The following FREM2 variants were observed in gnomAD, a reference collection of about 807,000 sequenced individuals.
The protein encoded by FREM2 is FRAS1 related extracellular matrix 2.
In FREM2, 119 loss-of-function variants were observed where a neutral mutation model predicts 219.9. That is an observed-to-expected ratio of 0.54 (90% CI 0.47 to 0.63). The LOEUF (loss-of-function observed/expected upper bound fraction) is 0.63. Ranked by LOEUF, FREM2 falls within the 30% of genes least tolerant of loss-of-function variation. The probability of loss-of-function intolerance (pLI) is 0.00; values close to 1 mark genes in which losing one functional copy is unlikely to be tolerated. For synonymous variants in FREM2, 1,562 were observed against 1,522.8 expected, an observed-to-expected ratio of 1.03 and a Z score of -0.60; for missense variants, 4,030 against 3,993.6, an observed-to-expected ratio of 1.01 and a Z score of -0.25.
chr13:38,687,534 G>A lies in FREM2; in HGVS notation c.190G>A (p.Ala64Thr), dbSNP rs139988077. 1.2e-6 allele frequency: 2 copies of A among 1,600,020 alleles called. No homozygotes were observed. Among genetic ancestry groups the A allele is most frequent in the African/African-American group, 1.3e-5 (1 of 74,854 alleles). ...GCTGTCCCCTGGTCTCGCGGGGGCT[G>A]CAGGGGTCCCTGCTGAGGAGGCCAT... is the stretch of plus-strand genomic sequence containing the variant. ...ALLSPGLAGAAGVPAEEAIVL... is the reference protein window; with the variant it reads ...ALLSPGLAGATGVPAEEAIVL... The change falls in exon 1 of 24, where the codon GCA becomes ACA. Residue 64 changes from alanine (A) to threonine (T), a missense_variant. By Grantham distance (58) the Ala-to-Thr change is moderately conservative. Coordinates refer to ENST00000280481, the MANE Select transcript of FREM2 (RefSeq NM_207361.6).
intron 3 of FREM2, among the ~76,000 whole-genome samples, chr13:38,765,957 A>C (rs1873418117): frequency 6.6e-6 from 1 of 152,202 alleles, no homozygotes; most frequent in Admixed American, 6.5e-5. Flanking sequence ...ACATGTGCAC[A>C]TCCTGTCTTA....
chr13:38,809,215 C>G (rs1184844678), intron 6 of FREM2, among the ~76,000 whole-genome samples: 1 of 150,056 alleles, frequency 6.7e-6, no homozygotes, highest in East Asian at 2.4e-4. Flanking sequence ...TTGAATTTTT[C>G]AGCTCCAAGA....
intron 12 of FREM2, among the ~76,000 whole-genome samples, chr13:38,856,536 A>G (rs1877566573): frequency 6.6e-6 from 1 of 152,174 alleles, no homozygotes; most frequent in South Asian, 2.1e-4. Context: ...CATGTCAGTC[A>G]GTAATGATTC....
chr13:38,787,034 T>A (rs1410961626), intron 6 of FREM2, among the ~76,000 whole-genome samples: 3 of 152,134 alleles, frequency 2.0e-5, no homozygotes, highest in Admixed American at 1.3e-4. Flanking sequence ...CATAGAACAT[T>A]TTACTATTGT....
At chr13:38,706,771 A>T (rs576674164) in intron 2 of FREM2, among the ~76,000 whole-genome samples, 2 of 152,322 alleles carry the variant, frequency 1.3e-5, no homozygotes, top group African/African-American at 4.8e-5. Context: ...TACAATCACA[A>T]ACTTCCTACC....
At chr13:38,750,332 T>G (rs1171450692) in intron 2 of FREM2, among the ~76,000 whole-genome samples, 1 of 152,128 alleles carries the variant, frequency 6.6e-6, no homozygotes, top group Non-Finnish European at 1.5e-5. Context: ...ATCCGATGGT[T>G]TTTAAAACGG....
chr13:38,783,371 T>C (rs904191864), intron 5 of FREM2, among the ~76,000 whole-genome samples, 176 bp downstream of exon 5: 2 of 152,088 alleles, frequency 1.3e-5, no homozygotes, highest in Non-Finnish European at 2.9e-5. Flanking sequence ...ACGAGTCCTC[T>C]TTCTGATTTC....
rs61978626 is a variant in FREM2, at chr13:38,861,446, G to A, written c.7535G>A (p.Arg2512His). 1.0e-3 allele frequency: 1,591 copies of A among 1,551,594 alleles called. 3 individuals are homozygous for A. Among genetic ancestry groups the A allele is most frequent in the Non-Finnish European group, 1.3e-3 (1,489 of 1,128,752 alleles). Residue 2512 changes from arginine to histidine, a missense_variant, in exon 15 of 24, where the codon CGT becomes CAT. This residue lies in a region of FREM2 where 928 missense variants were observed against 1,042.9 expected (regional missense o/e 0.89). Coordinates refer to ENST00000280481, the MANE Select transcript of FREM2 (RefSeq NM_207361.6). ...ISREEGLCQP[R>H]VPGVVGAEPF... ...TTTTTTCAAGGTCTTTGTCAGCCCC[G>A]TGTACCTGGGGTTGTTGGAGCAGAG...
At chr13:38,769,481 T>G in intron 3 of FREM2, 97 bp from the exon 4 acceptor site, 1 of 1,119,756 alleles carries the variant, frequency 8.9e-7, no homozygotes. Flanking sequence ...TCAACTTTGC[T>G]TTTCAGGATA....
chr13:38,784,481 A>C, intron 5 of FREM2, 76 bp from the exon 6 acceptor site: 1 of 1,532,258 alleles, frequency 6.5e-7, no homozygotes, highest in South Asian at 1.1e-5. Flanking sequence ...AATGCTGTGT[A>C]TGAAAATAAT....
chr13:38,822,123 G>T (rs1312441752), intron 6 of FREM2: 1 of 152,136 alleles, frequency 6.6e-6, no homozygotes, highest in Non-Finnish European at 1.5e-5. Flanking sequence ...AAATAAAACA[G>T]CTGATAGATC....
chr13:38,816,273 TAAC>T (rs1875759836), intron 6 of FREM2, among the ~76,000 whole-genome samples: 1 of 152,036 alleles, frequency 6.6e-6, no homozygotes, highest in African/African-American at 2.4e-5. Context: ...AACAATCACA[TAAC>T]AACAAAGAAA....
chr13:38,708,204 T>C lies in FREM2; in HGVS notation c.5263+10417T>C, dbSNP rs151333747. ...TTTTTATCTCTGATTTTCATTGATA[T>C]ACCCTCAGTGCCTGAGTACATATAG... is the stretch of plus-strand genomic sequence containing the variant. On this transcript the variant is annotated intron_variant, in intron 2 of 23. Coordinates refer to ENST00000280481, the MANE Select transcript of FREM2 (RefSeq NM_207361.6). Among the ~76,000 whole-genome samples, 1,106 of 152,364 alleles carry C rather than the reference T, an allele frequency of 7.3e-3. 22 individuals are homozygous for C. Among genetic ancestry groups the C allele is most frequent in the African/African-American group, 0.026 (1,073 of 41,588 alleles).
chr13:38,764,380 C>T lies in FREM2; in HGVS notation c.5340C>T (p.Val1780=), dbSNP rs773819702. 3.7e-6 allele frequency: 6 copies of T among 1,603,576 alleles called. No homozygotes were observed. Among genetic ancestry groups the T allele is most frequent in the Admixed American group, 3.3e-5 (2 of 59,944 alleles). ...WISFEKEYYL[V]NEDSKFLDVV... ...CCTTTGAAAAGGAATATTACCTGGT[C>T]AATGAGGACTCCAAATTTCTAGATG... The change falls in exon 3 of 24, where the codon GTC becomes GTT. Residue 1780 remains valine (V), a synonymous_variant. Transcript: ENST00000280481.
intron 6 of FREM2, among the ~76,000 whole-genome samples, chr13:38,831,613 A>ATTTT (rs58656821): frequency 0.01 from 1,455 of 143,212 alleles, 33 homozygotes; most frequent in African/African-American, 0.035. Flanking sequence ...TTTAACTTCA[A>ATTTT]TTTTTTTTTT....
Position 38,687,595 on chromosome 13 carries a change from G to A in FREM2, c.251G>A (p.Gly84Asp). Reference sequence around the variant, plus strand: ...AACCGCGGACTCCGGGTGCCTTTCGGCCGTGAAGTCTGGCTGGATCCCCTG... The same window carrying A: ...AACCGCGGACTCCGGGTGCCTTTCGACCGTGAAGTCTGGCTGGATCCCCTG... ...LANRGLRVPF[G>D]REVWLDPLHD... Residue 84 changes from glycine (G) to aspartate (D), a missense_variant, in exon 1 of 24, where the codon GGC becomes GAC. Transcript: ENST00000280481. The A allele has an allele frequency of 1.2e-6, 2 of 1,608,792 alleles. No individual in the cohort carries two copies. Among genetic ancestry groups the A allele is most frequent in the Non-Finnish European group, 1.7e-6 (2 of 1,177,750 alleles).
intron 2 of FREM2, among the ~76,000 whole-genome samples, chr13:38,712,701 C>T (rs1870831701): frequency 6.6e-6 from 1 of 151,842 alleles, no homozygotes; most frequent in Admixed American, 6.6e-5. Flanking sequence ...CAAGTACACA[C>T]ACAGACTTTT....
At chr13:38,712,295 G>A (rs1870808083) in intron 2 of FREM2, among the ~76,000 whole-genome samples, 1 of 152,150 alleles carries the variant, frequency 6.6e-6, no homozygotes, top group South Asian at 2.1e-4. Flanking sequence ...AGACAAATAT[G>A]ATTCTGCCTT....
At chr13:38,831,092 C>G (rs1007115948) in intron 6 of FREM2, among the ~76,000 whole-genome samples, 1 of 152,154 alleles carries the variant, frequency 6.6e-6, no homozygotes, top group African/African-American at 2.4e-5. Flanking sequence ...CTGTAAATTG[C>G]ACCTCACTGA....
Sources: allele counts gnomAD v4.1 joint callset (sites outside exome capture counted in the v4.1 genomes callset), GRCh38; gene constraint gnomAD v4.1.1; regional missense constraint gnomAD v4.1.1; transcripts MANE v1.5; gene names NCBI Gene and HGNC (gene_info 2026-07-23, HGNC 2026-07-21).